Variants in TBL1X observed in about 807,000 individuals in gnomAD.
TBL1X encodes F-box-like/WD repeat-containing protein TBL1X.
In TBL1X, 10 loss-of-function variants were observed where a neutral mutation model predicts 50.7. The ratio of observed to expected loss-of-function variants is 0.20; its 90% confidence interval spans 0.12 to 0.33. The LOEUF (loss-of-function observed/expected upper bound fraction) is 0.33, where lower values mean the gene tolerates loss of function less well. Ranked by LOEUF, TBL1X falls within the 10% of genes least tolerant of loss-of-function variation. TBL1X has a pLI of 1.00. For synonymous variants in TBL1X, 190 were observed against 214.7 expected, an observed-to-expected ratio of 0.88 and a Z score of 1.01; for missense variants, 340 against 504.4, an observed-to-expected ratio of 0.67 and a Z score of 3.12.
rs536022215 is a variant in TBL1X at position 9,691,174 on chromosome X, G to T, written c.617-405G>T. ...AGGTAGGCCGGGCGTGGTGGCTCAC[G>T]CCTGTAATTCCAGCATTTTGGGAGG... is the stretch of plus-strand genomic sequence containing the variant. On this transcript the variant is annotated intron_variant, in intron 7 of 17. Transcript: ENST00000645353. Among the ~76,000 whole-genome samples, 7 of 111,784 alleles carry T rather than the reference G, an allele frequency of 6.3e-5. No homozygotes were observed. The South Asian group carries it at 2.6e-3, about 42-fold the overall frequency.
At chrX:9,497,980 C>T (rs2081981399) in intron 1 of TBL1X, among the ~76,000 whole-genome samples, 1 of 105,495 alleles carries the variant, frequency 9.5e-6, no homozygotes, top group Non-Finnish European at 1.9e-5. Flanking sequence ...GATCCTCCTG[C>T]CCCAGCCTCC....
intron 2 of TBL1X, among the ~76,000 whole-genome samples, chrX:9,611,263 C>T (rs766604590): frequency 5.2e-4 from 58 of 112,426 alleles, no homozygotes; most frequent in African/African-American, 1.5e-3. Flanking sequence ...ACAAACAGAA[C>T]GGATATTCTC....
Position 9,654,248 on chromosome X carries a change from C to G in TBL1X, c.137C>G (p.Pro46Arg), listed in dbSNP as rs751243843. 4 of 1,210,547 alleles carry G rather than the reference C, an allele frequency of 3.3e-6. No individual in the cohort carries two copies. In the South Asian group the frequency reaches 5.3e-5, roughly 16 times the overall value. ...GGSHFINTSS[P>R]RGEAKMSITS... ...TCCCACTTCATCAACACCTCATCGC[C>G]GCGAGGTGAGGCTAAGATGAGCATA... Residue 46 changes from proline to arginine, a missense_variant, in exon 5 of 18, where the codon CCG (proline) becomes CGG (arginine). Pro to Arg is a moderately radical substitution (Grantham distance 103). Around this residue, in one of 6 missense-constraint regions of TBL1X, gnomAD observed 41 missense variants for 48.6 expected, o/e 0.84. Coordinates refer to ENST00000645353, the MANE Select transcript of TBL1X (RefSeq NM_005647.4).
At chrX:9,593,986 C>T (rs1394780247) in intron 2 of TBL1X, among the ~76,000 whole-genome samples, 1 of 112,323 alleles carries the variant, frequency 8.9e-6, no homozygotes, top group Non-Finnish European at 1.9e-5. Flanking sequence ...CCTTGCGCTG[C>T]ACTGGTGATG....
chrX:9,692,267 C>A lies in TBL1X; in HGVS notation c.891+13C>A. 8.6e-7 allele frequency: 1 copy of A among 1,167,037 alleles called. No homozygotes were observed. ...ACTGGACTGGAATGTAAGCATCTTC[C>A]ACCCCCTGGGCACTTTGAAATTGGT... is the stretch of plus-strand genomic sequence containing the variant. On this transcript the variant is annotated intron_variant, in intron 9 of 17. Coordinates refer to ENST00000645353, the MANE Select transcript of TBL1X (RefSeq NM_005647.4).
Position 9,717,228 on chromosome X carries a change from G to A in TBL1X, c.*982G>A, listed in dbSNP as rs1477239469. On this transcript the variant is annotated 3_prime_UTR_variant, in exon 18 of 18. Transcript: ENST00000645353. The stretch of plus-strand genomic sequence containing the variant: ...GGAGAAAAAAAAATGACTTATAAGA[G>A]AAAGAGCCTGGAGTATTTTTGGAAA... 2 of 110,865 alleles carry A rather than the reference G, an allele frequency of 1.8e-5. No homozygotes were observed. The highest frequency in any genetic ancestry group is 3.3e-5 in the African/African-American group (1 of 30,365). 9.1% of individuals were successfully genotyped at this position (110,865 alleles called of 1,213,427 possible). A position where few individuals can be genotyped will look rare whatever the true frequency, so the allele number is the denominator to read the frequency against.
intron 1 of TBL1X, among the ~76,000 whole-genome samples, chrX:9,479,446 AAAAAT>A (rs199734409): frequency 8.9e-6 from 1 of 112,197 alleles, no homozygotes; most frequent in Admixed American, 9.4e-5. Context: ...ACTCTGTCTC[AAAAAT>A]AAAATAAAAT....
In TBL1X at chrX:9,718,613, T is replaced by C. The variant is rs1451814312; in HGVS notation, c.*2367T>C. The C allele has an allele frequency of 8.9e-6, 1 of 111,951 alleles. No individual in the cohort carries two copies. The highest frequency in any genetic ancestry group is 3.2e-5 in the African/African-American group (1 of 30,808). 9.2% of individuals were successfully genotyped at this position (111,951 alleles called of 1,213,427 possible). On this transcript the variant is annotated 3_prime_UTR_variant, in exon 18 of 18. Coordinates refer to ENST00000645353, the MANE Select transcript of TBL1X (RefSeq NM_005647.4). ...AATGCACTCATCTCTGTAGAACATC[T>C]GCTGTCAAAGGCCAGCCTGTCGTTA...
intron 2 of TBL1X, among the ~76,000 whole-genome samples, chrX:9,517,433 A>G (rs1194435769): frequency 9.0e-6 from 1 of 111,657 alleles, no homozygotes; most frequent in Non-Finnish European, 1.9e-5. Context: ...TCAGTATTAT[A>G]GCAGGGACCT....
chrX:9,678,898 C>T (rs927783202), intron 5 of TBL1X, among the ~76,000 whole-genome samples: 7 of 111,666 alleles, frequency 6.3e-5, no homozygotes, highest in Non-Finnish European at 1.3e-4. Context: ...AATTCTTATA[C>T]AGACTGTTTC....
chrX:9,530,100 G>A (rs2082152656), intron 2 of TBL1X, among the ~76,000 whole-genome samples: 1 of 111,701 alleles, frequency 9.0e-6, no homozygotes, highest in Non-Finnish European at 1.9e-5. Context: ...TCTAGTTTTA[G>A]AAGACCTAAA....
intron 6 of TBL1X, among the ~76,000 whole-genome samples, chrX:9,686,917 C>A (rs1364425223): frequency 1.8e-5 from 2 of 112,390 alleles, no homozygotes; most frequent in Non-Finnish European, 3.8e-5. Context: ...GCAGCTAGTT[C>A]TTTACATAGG....
rs796965171 is a variant in TBL1X at position 9,492,894 on chromosome X, T to TGTGTGTGTGTGTAG, written c.-200-8882_-200-8881insGTGTGTGTAGGTGT. ...GTGTGTGTGTGTGTGTGTGTGTGTGTGTGTAGGGGAGGAAGGAATGGAAGG... is the reference window on the plus strand; with the variant it reads ...GTGTGTGTGTGTGTGTGTGTGTGTGTGTGTGTGTGTGTAGGTGTAGGGGAGGAAGGAATGGAAGG... On this transcript the variant is annotated intron_variant, in intron 1 of 17. Coordinates refer to ENST00000645353, the MANE Select transcript of TBL1X (RefSeq NM_005647.4). Among the ~76,000 whole-genome samples, 68 of 24,188 alleles carry TGTGTGTGTGTGTAG rather than the reference T, an allele frequency of 2.8e-3. 7 individuals carry two copies. The highest frequency in any genetic ancestry group is 6.7e-3 in the African/African-American group (66 of 9,867). 21.0% of individuals were successfully genotyped at this position (24,188 alleles called of 115,157 possible). A position where few individuals can be genotyped will look rare whatever the true frequency, so the allele number is the denominator to read the frequency against.
intron 1 of TBL1X, among the ~76,000 whole-genome samples, chrX:9,471,480 A>T (rs957598851): frequency 3.6e-5 from 4 of 112,407 alleles, no homozygotes; most frequent in African/African-American, 1.3e-4. Context: ...CTGGTTAAGG[A>T]TGACGGTTTT....
rs1321392221 is a variant in TBL1X, at chrX:9,635,494, AG to A, written c.-130-4776del. Among the ~76,000 whole-genome samples the A allele has an allele frequency of 2.7e-5, 3 of 110,818 alleles. No individual in the cohort carries two copies. In the Admixed American group the frequency reaches 2.9e-4, roughly 11 times the overall value. On this transcript the variant is annotated intron_variant, in intron 2 of 17. Coordinates refer to ENST00000645353, the MANE Select transcript of TBL1X (RefSeq NM_005647.4). ...TGTTGTCATTGGGCAAATGCTTGGT[AG>A]GGATTTGATCTGTGTAGAGGAATGC...
intron 2 of TBL1X, among the ~76,000 whole-genome samples, chrX:9,548,385 T>A (rs766023659): frequency 4.6e-4 from 52 of 112,207 alleles, no homozygotes; most frequent in African/African-American, 1.6e-3. Flanking sequence ...TTTTGCCTTA[T>A]CTTTTTTGTG....
intron 2 of TBL1X, among the ~76,000 whole-genome samples, chrX:9,579,135 G>A (rs1406235987): frequency 2.7e-5 from 3 of 111,825 alleles, no homozygotes; most frequent in Non-Finnish European, 5.6e-5. Flanking sequence ...CCACAGAAGC[G>A]GGGTGCGGGG....
At chrX:9,636,449 T>C (rs1483886542) in intron 2 of TBL1X, 1 of 106,886 alleles carries the variant, frequency 9.4e-6, no homozygotes, top group East Asian at 2.9e-4. Context: ...TGGTTAATTT[T>C]ATGTTGTTAC....
chrX:9,556,795 GT>G (rs1158007244), intron 2 of TBL1X, among the ~76,000 whole-genome samples: 3 of 107,612 alleles, frequency 2.8e-5, no homozygotes, highest in Non-Finnish European at 5.8e-5. Flanking sequence ...TTTGTTTTGT[GT>G]TTTTTGTTTT....
Sources: gnomAD v4.1 joint callset for allele counts (sites outside exome capture counted in the v4.1 genomes callset) on GRCh38, gnomAD v4.1.1 for gene constraint, gnomAD v4.1.1 regional missense constraint, MANE v1.5 for transcripts, NCBI Gene and HGNC (gene_info 2026-07-23, HGNC 2026-07-21) for gene names.